Variants in NEBL observed in about 807,000 individuals in gnomAD.
The protein encoded by NEBL is nebulette, also known as LIM and SH3 protein 2.
Under a neutral mutation model 140.2 loss-of-function variants are expected in NEBL, and 122 were observed. The ratio of observed to expected loss-of-function variants is 0.87; its 90% confidence interval spans 0.75 to 1.01. The LOEUF is 1.01. Ranked by LOEUF, NEBL falls within the 50% of genes least tolerant of loss-of-function variation. The pLI, the probability that NEBL is intolerant of heterozygous loss-of-function variation, is 0.00. For synonymous variants in NEBL, 436 were observed against 398.9 expected, an observed-to-expected ratio of 1.09 and a Z score of -1.11; for missense variants, 1,365 against 1,231.3, an observed-to-expected ratio of 1.11 and a Z score of -1.62.
intron 15 of NEBL, 79 bp downstream of exon 15, chr10:20,831,394 T>C (rs1311723074): frequency 3.3e-6 from 5 of 1,494,370 alleles, no homozygotes; most frequent in African/African-American, 2.8e-5. Context: ...AAGCCACCCA[T>C]GTGGAAAGAA....
intron 2 of NEBL, among the ~76,000 whole-genome samples, chr10:21,102,772 T>C (rs1007841813): frequency 6.6e-6 from 1 of 152,232 alleles, no homozygotes; most frequent in South Asian, 2.1e-4. Flanking sequence ...CTGCTATGCA[T>C]GTTTGTGTAC....
chr10:21,049,149 G>A (rs888163780), intron 2 of NEBL, among the ~76,000 whole-genome samples: 9 of 152,226 alleles, frequency 5.9e-5, no homozygotes, highest in Non-Finnish European at 1.5e-5. Context: ...TACTAAAAGT[G>A]TACTGATTAA....
chr10:20,901,350 G>A (rs1330546515), upstream of NEBL, among the ~76,000 whole-genome samples: 2 of 152,234 alleles, frequency 1.3e-5, no homozygotes, highest in East Asian at 1.9e-4. Context: ...CCAAGGGAAC[G>A]TATCTGTGCC....
chr10:21,207,254 G>T (rs1033122554), intron 3 of NEBL, among the ~76,000 whole-genome samples: 1 of 151,910 alleles, frequency 6.6e-6, no homozygotes, highest in African/African-American at 2.4e-5. Flanking sequence ...GATTACAGAC[G>T]TAAGCCACCA....
At chr10:20,889,159 T>A (rs575600603) in intron 3 of NEBL, among the ~76,000 whole-genome samples, 1 of 152,248 alleles carries the variant, frequency 6.6e-6, no homozygotes, top group Non-Finnish European at 1.5e-5. Context: ...TTCATTTCCG[T>A]TTCTTTTCAA....
chr10:21,182,035 C>G lies in NEBL; in HGVS notation n.349-9558G>C, dbSNP rs567923274. On this transcript the variant is annotated intron_variant and non_coding_transcript_variant, in intron 3 of 8. Transcript: ENST00000675702. ...TCAGCAGACGCATCTGATGGCCTAA[C>G]CGATCCAGAATATTAAGGGAAACTC... 1.2e-4 allele frequency among the ~76,000 whole-genome samples: 18 copies of G among 152,192 alleles called. 1 individual carries two copies. The South Asian group carries it at 3.5e-3, about 30-fold the overall frequency.
intron 2 of NEBL, among the ~76,000 whole-genome samples, chr10:21,156,191 G>A (rs1840331283): frequency 6.6e-6 from 1 of 152,226 alleles, no homozygotes; most frequent in African/African-American, 2.4e-5. Flanking sequence ...CATGTAATTT[G>A]CGAGAAGTAG....
At chr10:21,070,106 A>T (rs1835749374) in intron 2 of NEBL, 3 of 405,850 alleles carry the variant, frequency 7.4e-6, no homozygotes, top group South Asian at 5.4e-5. Flanking sequence ...TAGTAGCTGC[A>T]GGGGGACTTT....
chr10:21,186,257 A>AACACACACACACACACACACAC (rs765894739), intron 3 of NEBL, among the ~76,000 whole-genome samples: 2 of 124,738 alleles, frequency 1.6e-5, no homozygotes, highest in African/African-American at 5.6e-5. Context: ...TATATATACA[A>AACACACACACACACACACACAC]ACACACACAC....
intron 4 of NEBL, among the ~76,000 whole-genome samples, chr10:20,948,403 T>C (rs886488285): frequency 1.3e-5 from 2 of 152,234 alleles, no homozygotes; most frequent in African/African-American, 2.4e-5. Flanking sequence ...CCTTTCCTTT[T>C]ATAAATACCA....
intron 4 of NEBL, among the ~76,000 whole-genome samples, chr10:20,942,043 C>G (rs1371824415): frequency 3.9e-5 from 6 of 152,170 alleles, no homozygotes; most frequent in South Asian, 2.1e-4. Context: ...AATGCCATCC[C>G]CATCAAGCTA....
Position 20,888,214 on chromosome 10 carries a change from G to GA in NEBL, c.259-8dup, listed in dbSNP as rs57918610. On this transcript the variant is annotated splice_polypyrimidine_tract_variant and splice_region_variant and intron_variant, in intron 3 of 27. Transcript: ENST00000377122. ...TGGTGCCTTTGTATTTTGCCTGGGG[G>GA]AAAAAAAAACAGGAAAAAAATAAAT... 0.018 allele frequency: 25,306 copies of GA among 1,389,664 alleles called. 1,471 individuals are homozygous for GA. In the African/African-American group the frequency reaches 0.24, roughly 13 times the overall value. 86.1% of individuals were successfully genotyped at this position (1,389,664 alleles called of 1,614,324 possible).
intron 26 of NEBL, among the ~76,000 whole-genome samples, chr10:20,789,847 C>G (rs1385613991): frequency 6.7e-6 from 1 of 150,260 alleles, no homozygotes; most frequent in Non-Finnish European, 1.5e-5. Flanking sequence ...AATCTTATCT[C>G]AAATTTTATA....
In NEBL at chr10:20,896,956, AC is replaced by A; in HGVS notation, c.153+1del. On this transcript the variant is annotated splice_donor_variant, in intron 2 of 27. Transcript: ENST00000377122. LOFTEE classifies it high-confidence loss of function. The stretch of plus-strand genomic sequence containing the variant: ...AAGACAAAAATTACTCCAGCCACTT[AC>A]ATCGCTAATGAGTTCCGTGCATTTT... 6.2e-7 allele frequency: 1 copy of A among 1,613,624 alleles called. No individual in the cohort carries two copies. The highest frequency in any genetic ancestry group is 8.5e-7 in the Non-Finnish European group (1 of 1,179,570).
At chr10:21,276,070 A>C (rs1043157032) in intron 1 of NEBL, among the ~76,000 whole-genome samples, 1 of 151,192 alleles carries the variant, frequency 6.6e-6, no homozygotes, top group African/African-American at 2.4e-5. Context: ...TCCTAGGTTC[A>C]AGCGATTGTC....
Position 21,173,944 on chromosome 10 carries a change from C to A in NEBL, c.-111G>T, listed in dbSNP as rs1564536440. 2 of 1,385,770 alleles carry A rather than the reference C, an allele frequency of 1.4e-6. No homozygotes were observed. Among genetic ancestry groups the A allele is most frequent in the South Asian group, 3.3e-5 (2 of 61,370 alleles). The allele number at this position is 1,385,770 out of a possible 1,614,324, so 85.8% of individuals were successfully genotyped here. On this transcript the variant is annotated 5_prime_UTR_variant, in exon 1 of 7. Coordinates refer to the NEBL transcript ENST00000417816. The surrounding 1 kb of genome is among the most constrained non-coding windows in gnomAD (Gnocchi z 5.7). ...TCCTGGCAGGCGGGAGGGCTGCGGGCGGCGGGCGCCGGGTAGGGAGTCGGC... is the reference window on the plus strand; with the variant it reads ...TCCTGGCAGGCGGGAGGGCTGCGGGAGGCGGGCGCCGGGTAGGGAGTCGGC...
At position 20,845,253 on chromosome 10, in the gene NEBL, C is replaced by G. The variant is rs370026081; in HGVS notation, c.1227+5G>C. The G allele has an allele frequency of 1.3e-6, 2 of 1,517,082 alleles. No homozygotes were observed. The highest frequency in any genetic ancestry group is 3.4e-5 in the Admixed American group (2 of 59,678). The allele number at this position is 1,517,082 out of a possible 1,614,324, so 94.0% of individuals were successfully genotyped here. ...AATATTTAATAATAAACACCAAGAT[C>G]GTACCTCCCTCAGAAGGTTGGTGAT... On this transcript the variant is annotated splice_donor_5th_base_variant and intron_variant, in intron 12 of 27. Coordinates refer to ENST00000377122, the MANE Select transcript of NEBL (RefSeq NM_006393.3).
chr10:21,265,722 G>T (rs1001704268), intron 1 of NEBL, among the ~76,000 whole-genome samples: 1 of 152,214 alleles, frequency 6.6e-6, no homozygotes, highest in Non-Finnish European at 1.5e-5. Context: ...TTTCTGAAAA[G>T]CCCAGACAGT....
rs1355202950 is a variant in NEBL at position 20,852,665 on chromosome 10, G to C, written c.904-16C>G. On this transcript the variant is annotated splice_polypyrimidine_tract_variant and intron_variant, in intron 9 of 27. Transcript: ENST00000377122. ...TATATTCTCGCTAAAATACAGAATG[G>C]GGAAATCAACTTAGAATCAAAGAGA... 2 of 1,563,230 alleles carry C rather than the reference G, an allele frequency of 1.3e-6. No individual in the cohort carries two copies. Among genetic ancestry groups the C allele is most frequent in the South Asian group, 2.2e-5 (2 of 89,838 alleles).
Sources: allele counts gnomAD v4.1 joint callset (sites outside exome capture counted in the v4.1 genomes callset), GRCh38; gene constraint gnomAD v4.1.1; non-coding constraint Gnocchi (gnomAD v3.1); transcripts MANE v1.5; gene names NCBI Gene and HGNC (gene_info 2026-07-23, HGNC 2026-07-21).